Variants in PLA1A observed in about 807,000 individuals in gnomAD.
PLA1A encodes phospholipase A1 member A, also known as phosphatidylserine-specific phospholipase A1alpha.
In PLA1A, 47 loss-of-function variants were observed where a neutral mutation model predicts 49.4. That is an observed-to-expected ratio of 0.95 (90% CI 0.75 to 1.21). PLA1A has a LOEUF of 1.21. Among genes scored for constraint, PLA1A ranks in the 50% most tolerant of loss-of-function variants. The pLI, the probability that PLA1A is intolerant of heterozygous loss-of-function variation, is 0.00. For synonymous variants in PLA1A, 224 were observed against 207.9 expected, an observed-to-expected ratio of 1.08 and a Z score of -0.67; for missense variants, 561 against 563.9, an observed-to-expected ratio of 0.99 and a Z score of 0.05.
chr3:119,625,625 C>T (rs2052515473), intron 9 of PLA1A, among the ~76,000 whole-genome samples: 1 of 152,198 alleles, frequency 6.6e-6, no homozygotes, highest in African/African-American at 2.4e-5. Flanking sequence ...GCCTGGAGAG[C>T]ACCCACTCCT....
chr3:119,621,230 T>C (rs2082924990), intron 8 of PLA1A, among the ~76,000 whole-genome samples: 1 of 152,184 alleles, frequency 6.6e-6, no homozygotes, highest in African/African-American at 2.4e-5. Flanking sequence ...TAACAGCATG[T>C]TAAGGTCCCT....
In PLA1A at chr3:119,609,531, G is replaced by C; in HGVS notation, c.517G>C (p.Gly173Arg). The change falls in exon 4 of 11, where the codon GGC becomes CGC. Residue 173 changes from glycine to arginine, a missense_variant. Physicochemically the swap from Gly to Arg is moderately radical, Grantham distance 125. Coordinates refer to ENST00000273371, the MANE Select transcript of PLA1A (RefSeq NM_015900.4). ...TGTTAGCCTGGGGGCCCACGTTGGG[G>C]GCATGGTGGGACAGCTCTTCGGAGG... ...IGVSLGAHVG[G>R]MVGQLFGGQL... 1 of 1,612,918 alleles carries C rather than the reference G, an allele frequency of 6.2e-7. No individual in the cohort carries two copies. The highest frequency in any genetic ancestry group is 1.3e-5 in the African/African-American group (1 of 74,968).
At chr3:119,607,992 A>G (rs192700612) in intron 2 of PLA1A, among the ~76,000 whole-genome samples, 9 of 152,130 alleles carry the variant, frequency 5.9e-5, no homozygotes, top group African/African-American at 2.2e-4. Context: ...ACATTTTTCT[A>G]TCATTTTCCT....
rs538022945 is a variant in PLA1A, at chr3:119,618,749, C to T, written c.922+563C>T. Reference sequence around the variant, plus strand: ...TTGTGTAGATCATTGCTATGCATATCCCGTGGTTATCCAGGATGAAGAGCT... The same window carrying T: ...TTGTGTAGATCATTGCTATGCATATTCCGTGGTTATCCAGGATGAAGAGCT... On this transcript the variant is annotated intron_variant, in intron 7 of 10. Transcript: ENST00000273371. Among the ~76,000 whole-genome samples the T allele has an allele frequency of 7.1e-5, 10 of 140,210 alleles. No individual in the cohort carries two copies. The East Asian group carries it at 2.0e-3, about 28-fold the overall frequency. 92.0% of individuals were successfully genotyped at this position (140,210 alleles called of 152,430 possible).
chr3:119,616,223 G>C lies in PLA1A; in HGVS notation c.754+122G>C, dbSNP rs1474043232. ...TCTACTTGACAGTGTCCTTTGCTAT[G>C]TCCCATAACGCTTTACTCAGAATGT... On this transcript the variant is annotated intron_variant, in intron 6 of 10. Transcript: ENST00000273371. The C allele has an allele frequency of 5.8e-6, 4 of 692,674 alleles. No homozygotes were observed. In the African/African-American group the frequency reaches 7.1e-5, roughly 12 times the overall value. 42.9% of individuals were successfully genotyped at this position (692,674 alleles called of 1,614,324 possible). A position where few individuals can be genotyped will look rare whatever the true frequency, so the allele number is the denominator to read the frequency against.
chr3:119,615,315 CTCAG>C (rs533230764), intron 5 of PLA1A, among the ~76,000 whole-genome samples: 284 of 152,282 alleles, frequency 1.9e-3, no homozygotes, highest in African/African-American at 6.5e-3. Flanking sequence ...TCTATTTCCA[CTCAG>C]TCAGGAGAGC....
At chr3:119,622,626 G>C (rs964625005) in intron 8 of PLA1A, among the ~76,000 whole-genome samples, 21 of 152,128 alleles carry the variant, frequency 1.4e-4, no homozygotes, top group African/African-American at 4.6e-4. Context: ...CTTCCCCAAT[G>C]TTAGCCCATA....
intron 1 of PLA1A, among the ~76,000 whole-genome samples, chr3:119,603,813 G>T (rs1277757514): frequency 3.3e-5 from 5 of 152,212 alleles, no homozygotes; most frequent in Non-Finnish European, 5.9e-5. Context: ...ATATTTGATT[G>T]ATTAAAGTGG....
intron 2 of PLA1A, among the ~76,000 whole-genome samples, chr3:119,608,271 AG>A (rs1422654378): frequency 6.6e-6 from 1 of 151,632 alleles, no homozygotes; most frequent in African/African-American, 2.4e-5. Context: ...AAAGAAAGAA[AG>A]AAAGAAAGAA....
chr3:119,615,770 C>T (rs981635650), intron 5 of PLA1A, among the ~76,000 whole-genome samples: 7 of 151,516 alleles, frequency 4.6e-5, no homozygotes, highest in African/African-American at 1.7e-4. Context: ...AAGATGGCGC[C>T]ACTGCACTCC....
chr3:119,618,250 C>A, intron 7 of PLA1A, 64 bp downstream of exon 7: 1 of 1,358,356 alleles, frequency 7.4e-7, no homozygotes, highest in Non-Finnish European at 1.0e-6. Context: ...GCTAGTTGTC[C>A]CCTCTTAATG....
chr3:119,616,142 G>A (rs759710985), intron 6 of PLA1A, 41 bp downstream of exon 6: 2 of 1,236,666 alleles, frequency 1.6e-6, no homozygotes. Context: ...CAACCCCGGA[G>A]ATTGAAATTC....
rs539291441 is a variant in PLA1A at position 119,629,436 on chromosome 3, G to A, written c.1339G>A (p.Val447Ile). The A allele has an allele frequency of 3.7e-6, 6 of 1,610,070 alleles. No homozygotes were observed. In the Admixed American group the frequency reaches 6.7e-5, roughly 18 times the overall value. Residue 447 changes from valine to isoleucine, a missense_variant, in exon 11 of 11, where the codon GTT becomes ATT. Transcript: ENST00000273371. ...AGTGAACTTACAAGCAAGTGTGACTGTTTCCTGTGACCTGAAGATAGCCTG... is the reference window on the plus strand; with the variant it reads ...AGTGAACTTACAAGCAAGTGTGACTATTTCCTGTGACCTGAAGATAGCCTG... ...EPVNLQASVT[V>I]SCDLKIACV
chr3:119,604,693 A>T (rs1323311636), intron 1 of PLA1A, among the ~76,000 whole-genome samples: 1 of 152,192 alleles, frequency 6.6e-6, no homozygotes. Context: ...AAAGGTAAAG[A>T]TGATAATTTA....
chr3:119,629,136 C>G (rs2052588767), intron 10 of PLA1A, among the ~76,000 whole-genome samples: 1 of 152,182 alleles, frequency 6.6e-6, no homozygotes, highest in African/African-American at 2.4e-5. Flanking sequence ...TCTGTGGCCT[C>G]CACTCCAACT....
chr3:119,599,003 T>C (rs2082578586), intron 1 of PLA1A, among the ~76,000 whole-genome samples: 1 of 152,204 alleles, frequency 6.6e-6, no homozygotes, highest in South Asian at 2.1e-4. Flanking sequence ...CTGTCTCTTT[T>C]AGCATAGTTA....
At chr3:119,612,954 G>T in intron 4 of PLA1A, 63 bp from the exon 5 acceptor site, 1 of 1,039,992 alleles carries the variant, frequency 9.6e-7, no homozygotes, top group Non-Finnish European at 1.4e-6. Context: ...GGTGTGTGGT[G>T]GGTCCATGAA....
rs1397748360 is a variant in PLA1A at position 119,616,042 on chromosome 3, T to G, written c.695T>G (p.Val232Gly). 5.6e-6 allele frequency: 9 copies of G among 1,613,282 alleles called. No individual in the cohort carries two copies. In the East Asian group the frequency reaches 1.8e-4, roughly 32 times the overall value. Residue 232 changes from valine to glycine, a missense_variant, in exon 6 of 11, where the codon GTG becomes GGG. Coordinates refer to ENST00000273371, the MANE Select transcript of PLA1A (RefSeq NM_015900.4). Reference protein sequence around the residue: ...NLGIRIPVGHVDYFVNGGQDQ... With the variant: ...NLGIRIPVGHGDYFVNGGQDQ... ...GGTATTCGGATTCCCGTTGGACATGTGGACTACTTCGTCAACGGAGGCCAA... is the reference window on the plus strand; with the variant it reads ...GGTATTCGGATTCCCGTTGGACATGGGGACTACTTCGTCAACGGAGGCCAA...
Position 119,608,978 on chromosome 3 carries a change from G to T in PLA1A, c.453+31G>T, listed in dbSNP as rs1301685671. 1.9e-6 allele frequency: 3 copies of T among 1,580,596 alleles called. No individual in the cohort carries two copies. The South Asian group carries it at 3.3e-5, about 18-fold the overall frequency. ...TGCAGAAGAGCTTAGGGTGAGTTTGGGCTGCGTATGAGGAGAGAGGGTCAG... is the reference window on the plus strand; with the variant it reads ...TGCAGAAGAGCTTAGGGTGAGTTTGTGCTGCGTATGAGGAGAGAGGGTCAG... On this transcript the variant is annotated intron_variant, in intron 3 of 10. Coordinates refer to ENST00000273371, the MANE Select transcript of PLA1A (RefSeq NM_015900.4).
Sources: gnomAD v4.1 joint callset for allele counts (sites outside exome capture counted in the v4.1 genomes callset) on GRCh38, gnomAD v4.1.1 for gene constraint, MANE v1.5 for transcripts, NCBI Gene and HGNC (gene_info 2026-07-23, HGNC 2026-07-21) for gene names.